Variants in DUSP29 observed in about 807,000 individuals in gnomAD.
DUSP29 encodes dual specificity phosphatase 29.
In DUSP29, 12 loss-of-function variants were observed where a neutral mutation model predicts 13.5. The ratio of observed to expected loss-of-function variants is 0.89; its 90% CI spans 0.57 to 1.44. The LOEUF (loss-of-function observed/expected upper bound fraction) is 1.44. DUSP29 is among the 40% of genes most tolerant of loss of function. The probability of loss-of-function intolerance (pLI) is 0.00; values close to 1 mark genes in which losing one functional copy is unlikely to be tolerated. For missense variants in DUSP29, 308 were observed against 301.1 expected, an observed-to-expected ratio of 1.02 and a Z score of -0.17; for synonymous variants, 134 against 128.7, an observed-to-expected ratio of 1.04 and a Z score of -0.28.
chr10:75,059,060 C>T (rs1431817750), intron 1 of DUSP29, among the ~76,000 whole-genome samples: 2 of 152,156 alleles, frequency 1.3e-5, no homozygotes, highest in Non-Finnish European at 2.9e-5. Flanking sequence ...CTGGGCCACA[C>T]GCACATCAGC....
chr10:75,039,042 A>G (rs1254096067), intron 3 of DUSP29, among the ~76,000 whole-genome samples: 1 of 152,168 alleles, frequency 6.6e-6, no homozygotes, highest in Non-Finnish European at 1.5e-5. Flanking sequence ...GCCAGAGCAC[A>G]TCTCTTACCA....
chr10:75,049,227 T>C (rs1324282284), intron 2 of DUSP29, among the ~76,000 whole-genome samples: 1 of 152,222 alleles, frequency 6.6e-6, no homozygotes, highest in Non-Finnish European at 1.5e-5. Context: ...ATTTCCTTAG[T>C]TTTCAGGAGA....
intron 3 of DUSP29, among the ~76,000 whole-genome samples, chr10:75,040,651 C>A (rs986861872): frequency 3.3e-5 from 5 of 152,202 alleles, no homozygotes; most frequent in African/African-American, 4.8e-5. Context: ...GCAGAGGACT[C>A]TTCTGTGAGG....
chr10:75,059,204 G>A (rs1847033950), intron 1 of DUSP29, among the ~76,000 whole-genome samples: 1 of 152,208 alleles, frequency 6.6e-6, no homozygotes, highest in African/African-American at 2.4e-5. Context: ...AAGGGGATTG[G>A]AAGAGATGCC....
chr10:75,069,548 A>C (rs1167220183), intron 1 of DUSP29, among the ~76,000 whole-genome samples: 1 of 152,168 alleles, frequency 6.6e-6, no homozygotes, highest in Non-Finnish European at 1.5e-5. Context: ...CTTCCTGTCC[A>C]GGCCACTTAT....
intron 2 of DUSP29, among the ~76,000 whole-genome samples, chr10:75,055,751 T>C (rs1846945566): frequency 6.6e-6 from 1 of 152,218 alleles, no homozygotes; most frequent in Non-Finnish European, 1.5e-5. Context: ...TATGAATTAT[T>C]TCTCAATAAA....
rs2134282543 is a variant in DUSP29, at chr10:75,043,715, G to GGGGCGGGGCCTAAGCTAC, written c.421+64_421+81dup. 2.3e-6 allele frequency: 3 copies of GGGGCGGGGCCTAAGCTAC among 1,287,802 alleles called. No individual in the cohort carries two copies. In the East Asian group the frequency reaches 7.6e-5, roughly 33 times the overall value. 79.8% of individuals were successfully genotyped at this position (1,287,802 alleles called of 1,614,324 possible). ...GGCGGAGCCTTAGTGGGGCGGGGAA[G>GGGGCGGGGCCTAAGCTAC]GGGCGGGGCCTAAGCTACGGGCGGG... is the stretch of plus-strand genomic sequence containing the variant. On this transcript the variant is annotated intron_variant, in intron 3 of 3. Coordinates refer to ENST00000338487, the MANE Select transcript of DUSP29 (RefSeq NM_001003892.3).
chr10:75,049,082 C>T (rs1846768207), intron 2 of DUSP29, among the ~76,000 whole-genome samples: 1 of 152,186 alleles, frequency 6.6e-6, no homozygotes. Flanking sequence ...GTGCTTATCC[C>T]ATGACAAAAT....
At chr10:75,057,846 C>T (rs1167232920) in intron 2 of DUSP29, among the ~76,000 whole-genome samples, 1 of 152,182 alleles carries the variant, frequency 6.6e-6, no homozygotes, top group African/African-American at 2.4e-5. Context: ...ACTACATTTC[C>T]CAGGCTCCCT....
intron 2 of DUSP29, among the ~76,000 whole-genome samples, chr10:75,048,555 A>G (rs888904558): frequency 2.0e-5 from 3 of 152,062 alleles, no homozygotes; most frequent in Non-Finnish European, 4.4e-5. Flanking sequence ...GTGTGCCACC[A>G]TGCGTGGCTA....
intron 1 of DUSP29, among the ~76,000 whole-genome samples, chr10:75,065,818 G>A (rs1182583855): frequency 6.6e-6 from 1 of 151,896 alleles, no homozygotes; most frequent in East Asian, 1.9e-4. Flanking sequence ...AGCCTCTAGA[G>A]CAGCTAGGAC....
At chr10:75,066,760 G>A (rs1286884629) in intron 1 of DUSP29, among the ~76,000 whole-genome samples, 2 of 152,120 alleles carry the variant, frequency 1.3e-5, no homozygotes, top group Non-Finnish European at 1.5e-5. Flanking sequence ...CTCTCCAGTG[G>A]CACCGAGTGC....
In DUSP29 at chr10:75,071,081, GCAC is replaced by G. The variant is rs1435189314; in HGVS notation, c.-35+2485_-35+2487del. Among the ~76,000 whole-genome samples, 5 of 152,208 alleles carry G rather than the reference GCAC, an allele frequency of 3.3e-5. No homozygotes were observed. In the East Asian group the frequency reaches 7.7e-4, roughly 23 times the overall value. On this transcript the variant is annotated intron_variant, in intron 1 of 3. Coordinates refer to ENST00000338487, the MANE Select transcript of DUSP29 (RefSeq NM_001003892.3). ...CACCAGGCCTCTACCCCAATGAGAGGCACCAGAGCAAAGGGGCTACACCCCGAA... is the reference window on the plus strand; with the variant it reads ...CACCAGGCCTCTACCCCAATGAGAGGCAGAGCAAAGGGGCTACACCCCGAA...
At chr10:75,061,539 T>C (rs1453854409) in intron 1 of DUSP29, among the ~76,000 whole-genome samples, 1 of 152,204 alleles carries the variant, frequency 6.6e-6, no homozygotes, top group African/African-American at 2.4e-5. Context: ...GGCATCTGTA[T>C]CTCAATGAGC....
At chr10:75,038,116 G>C in intron 3 of DUSP29, 39 bp from the exon 4 acceptor site, 1 of 1,589,344 alleles carries the variant, frequency 6.3e-7, no homozygotes, top group Non-Finnish European at 8.6e-7. Flanking sequence ...CACACTGAGG[G>C]GCAGGTGTTG....
chr10:75,068,868 AT>A (rs1045740225), intron 1 of DUSP29, among the ~76,000 whole-genome samples: 1 of 152,042 alleles, frequency 6.6e-6, no homozygotes, highest in African/African-American at 2.4e-5. Context: ...AAGTAAGTGG[AT>A]TTTTTTTAAA....
At chr10:75,050,978 C>A (rs1809027978) in intron 2 of DUSP29, among the ~76,000 whole-genome samples, 1 of 152,224 alleles carries the variant, frequency 6.6e-6, no homozygotes, top group South Asian at 2.1e-4. Flanking sequence ...AATTACCAGG[C>A]AGCCCACTTG....
rs544849318 is a variant in DUSP29 at position 75,038,220 on chromosome 10, C to T, written c.422-143G>A. ...GTGCCCCACAGCTGCCTCTGTAGAA[C>T]GGGGACACTCTCGGTGTCTTCTTCA... On this transcript the variant is annotated intron_variant, in intron 3 of 3. Coordinates refer to ENST00000338487, the MANE Select transcript of DUSP29 (RefSeq NM_001003892.3). The T allele has an allele frequency of 1.0e-3, 1,149 of 1,113,656 alleles. 14 individuals are homozygous for T. In the African/African-American group the frequency reaches 0.016, roughly 15 times the overall value. 69.0% of individuals were successfully genotyped at this position (1,113,656 alleles called of 1,614,324 possible). A position where few individuals can be genotyped will look rare whatever the true frequency, so the allele number is the denominator to read the frequency against.
chr10:75,059,623 T>A (rs1847044971), intron 1 of DUSP29, among the ~76,000 whole-genome samples: 1 of 152,058 alleles, frequency 6.6e-6, no homozygotes, highest in Admixed American at 6.6e-5. Context: ...GAATTGAGGC[T>A]GTCTGTAGCA....
Sources: gnomAD v4.1 joint callset for allele counts (sites outside exome capture counted in the v4.1 genomes callset) on GRCh38, gnomAD v4.1.1 for gene constraint, MANE v1.5 for transcripts, NCBI Gene and HGNC (gene_info 2026-07-23, HGNC 2026-07-21) for gene names.